The following UGT1A8 variants were observed in gnomAD, a reference collection of about 807,000 sequenced individuals.
The protein encoded by UGT1A8 is UDP glucuronosyltransferase family 1 member A8.
In UGT1A8, 39 loss-of-function variants were observed where a neutral mutation model predicts 45.3. That is an observed-to-expected ratio of 0.86 (90% CI 0.67 to 1.12). The LOEUF is 1.12. UGT1A8 is among the 50% of genes most tolerant of loss of function. The pLI, the probability that UGT1A8 is intolerant of heterozygous loss-of-function variation, is 0.00. For missense variants in UGT1A8, 719 were observed against 664.9 expected, an observed-to-expected ratio of 1.08 and a Z score of -0.90; for synonymous variants, 275 against 249.2, an observed-to-expected ratio of 1.10 and a Z score of -0.97.
At chr2:233,757,562 G>GTATATATATATA (rs1491042837) in intron 1 of UGT1A8, among the ~76,000 whole-genome samples, 1 of 90,870 alleles carries the variant, frequency 1.1e-5, no homozygotes, top group Non-Finnish European at 2.1e-5. Flanking sequence ...ATATATATAT[G>GTATATATATATA]TATATATGAT....
chr2:233,677,973 G>A (rs2074405013), intron 1 of UGT1A8, among the ~76,000 whole-genome samples: 1 of 152,106 alleles, frequency 6.6e-6, no homozygotes, highest in African/African-American at 2.4e-5. Flanking sequence ...CATACTCCAT[G>A]GAATATGCAG....
At chr2:233,639,047 C>A (rs1459227270) in intron 1 of UGT1A8, among the ~76,000 whole-genome samples, 3 of 152,172 alleles carry the variant, frequency 2.0e-5, no homozygotes, top group Admixed American at 2.0e-4. Flanking sequence ...CTTCCTGAAC[C>A]CACGCTGAGT....
At chr2:233,693,237 A>G in intron 1 of UGT1A8, 2 of 1,614,188 alleles carry the variant, frequency 1.2e-6, no homozygotes, top group Non-Finnish European at 1.7e-6. Flanking sequence ...AGAAAAATCT[A>G]TCCAGTGCCG....
chr2:233,682,442 GC>G, intron 1 of UGT1A8: 1 of 1,613,664 alleles, frequency 6.2e-7, no homozygotes, highest in Non-Finnish European at 8.5e-7. Context: ...TGTGGTCTTC[GC>G]CAGGGGAATA....
chr2:233,637,324 A>C, intron 1 of UGT1A8: 2 of 1,614,002 alleles, frequency 1.2e-6, no homozygotes, highest in Non-Finnish European at 1.7e-6. Flanking sequence ...CGTGATGCCC[A>C]ACATGATCTT....
At chr2:233,641,649 T>C (rs2073456154) in intron 1 of UGT1A8, among the ~76,000 whole-genome samples, 1 of 152,228 alleles carries the variant, frequency 6.6e-6, no homozygotes, top group Non-Finnish European at 1.5e-5. Context: ...CTTCCTTTTC[T>C]TTCTGATTGA....
rs189908141 is a variant in UGT1A8, at chr2:233,706,521, C to T, written c.856-60513C>T. Among the ~76,000 whole-genome samples, 191 of 152,266 alleles carry T rather than the reference C, an allele frequency of 1.3e-3. 1 individual carries two copies. Among genetic ancestry groups the T allele is most frequent in the African/African-American group, 4.2e-3 (176 of 41,544 alleles). On this transcript the variant is annotated intron_variant, in intron 1 of 4. Coordinates refer to ENST00000373450, the MANE Select transcript of UGT1A8 (RefSeq NM_019076.5). Reference sequence around the variant, plus strand: ...TGGTGTGATGCTGAGGATTTTACAGCGGCTTAGAAACACAGCTTTTTTTCT... The same window carrying T: ...TGGTGTGATGCTGAGGATTTTACAGTGGCTTAGAAACACAGCTTTTTTTCT...
At chr2:233,692,755 G>A (rs1416113067) in intron 1 of UGT1A8, 3 of 1,150,320 alleles carry the variant, frequency 2.6e-6, no homozygotes, top group Non-Finnish European at 3.4e-6. Flanking sequence ...CAGACTTGTG[G>A]AGCTGAAGAG....
intron 1 of UGT1A8, chr2:233,681,921 T>C (rs753348278): frequency 1.6e-5 from 26 of 1,605,958 alleles, no homozygotes; most frequent in Non-Finnish European, 1.8e-5. Context: ...CTGCTGGCTC[T>C]GGGCTGAAGT....
At position 233,622,557 on chromosome 2, in the gene UGT1A8, T is replaced by G. The variant is rs561942066; in HGVS notation, c.855+3995T>G. Among the ~76,000 whole-genome samples, 4 of 152,340 alleles carry G rather than the reference T, an allele frequency of 2.6e-5. No individual in the cohort carries two copies. The South Asian group carries it at 8.3e-4, about 32-fold the overall frequency. ...TTGAGAAGTGCCTGTTCATATCCTT[T>G]GCCCACTTTTGATGGGGTTGTTTTA... On this transcript the variant is annotated intron_variant, in intron 1 of 4. Coordinates refer to ENST00000373450, the MANE Select transcript of UGT1A8 (RefSeq NM_019076.5).
chr2:233,766,749 C>T (rs756688417), intron 1 of UGT1A8, among the ~76,000 whole-genome samples: 1 of 152,132 alleles, frequency 6.6e-6, no homozygotes, highest in Non-Finnish European at 1.5e-5. Context: ...CAGGTGTGTG[C>T]ATGTGTGTGC....
At chr2:233,756,622 C>T (rs1385853377) in intron 1 of UGT1A8, among the ~76,000 whole-genome samples, 1 of 152,014 alleles carries the variant, frequency 6.6e-6, no homozygotes, top group African/African-American at 2.4e-5. Flanking sequence ...ACTTGCAGGC[C>T]GTGTGTATAG....
intron 1 of UGT1A8, among the ~76,000 whole-genome samples, chr2:233,649,198 A>G (rs1025091689): frequency 6.6e-6 from 1 of 152,176 alleles, no homozygotes; most frequent in African/African-American, 2.4e-5. Flanking sequence ...CTTTTATATA[A>G]TGGCCTCGTT....
At chr2:233,663,477 C>T (rs534009605) in intron 1 of UGT1A8, among the ~76,000 whole-genome samples, 3 of 152,094 alleles carry the variant, frequency 2.0e-5, no homozygotes, top group Non-Finnish European at 4.4e-5. Flanking sequence ...GTTTATTGAT[C>T]TGGGTGGTGC....
chr2:233,629,694 G>A (rs1467746463), intron 1 of UGT1A8, among the ~76,000 whole-genome samples: 3 of 152,092 alleles, frequency 2.0e-5, no homozygotes, highest in Middle Eastern at 3.4e-3. Context: ...GTGAATAATT[G>A]GTATTATTTA....
At chr2:233,729,254 G>T (rs1181621220) in intron 1 of UGT1A8, 6 of 1,614,100 alleles carry the variant, frequency 3.7e-6, no homozygotes, top group Middle Eastern at 1.6e-4. Context: ...CACTGGCTCA[G>T]CATGCGGGAG....
At chr2:233,758,397 C>T (rs1696863474) in intron 1 of UGT1A8, among the ~76,000 whole-genome samples, 1 of 152,138 alleles carries the variant, frequency 6.6e-6, no homozygotes, top group Admixed American at 6.5e-5. Flanking sequence ...TGTTTATAGC[C>T]CCTTTACTGT....
intron 1 of UGT1A8, chr2:233,754,890 C>T (rs1695628658): frequency 1.5e-6 from 2 of 1,351,546 alleles, no homozygotes; most frequent in Non-Finnish European, 2.0e-6. Context: ...CAGGGAGTTC[C>T]TCTGACCCCC....
intron 1 of UGT1A8, among the ~76,000 whole-genome samples, chr2:233,653,978 C>T (rs2073797020): frequency 2.0e-5 from 3 of 152,222 alleles, no homozygotes; most frequent in Non-Finnish European, 4.4e-5. Flanking sequence ...TTTGTACGTA[C>T]ATGCCTAATG....
Sources: allele counts gnomAD v4.1 joint callset (sites outside exome capture counted in the v4.1 genomes callset), GRCh38; gene constraint gnomAD v4.1.1; transcripts MANE v1.5; gene names NCBI Gene and HGNC (gene_info 2026-07-23, HGNC 2026-07-21).